GRIK4: variants seen among roughly 807,000 people sequenced by gnomAD.
The protein encoded by GRIK4 is glutamate receptor ionotropic, kainate 4.
Under a neutral mutation model 104.9 loss-of-function variants are expected in GRIK4, and 40 were observed. That is an observed-to-expected ratio of 0.38 (90% CI 0.30 to 0.50). The LOEUF is 0.50. Ranked by LOEUF, GRIK4 falls within the 20% of genes least tolerant of loss-of-function variation. The probability of loss-of-function intolerance (pLI) is 0.93; values close to 1 mark genes in which losing one functional copy is unlikely to be tolerated. For missense variants in GRIK4, 1,047 were observed against 1,308.1 expected, an observed-to-expected ratio of 0.80 and a Z score of 3.08; for synonymous variants, 485 against 524.9, an observed-to-expected ratio of 0.92 and a Z score of 1.04.
At chr11:120,808,343 G>T (rs948025) in intron 4 of GRIK4, among the ~76,000 whole-genome samples, 13,917 of 152,232 alleles carry the variant, frequency 0.091, 838 homozygotes, top group African/African-American at 0.17. Flanking sequence ...ATGAGATGGT[G>T]CTTAAATGTT....
chr11:120,884,847 G>C (rs1002763837), intron 11 of GRIK4, among the ~76,000 whole-genome samples: 14 of 152,276 alleles, frequency 9.2e-5, no homozygotes, highest in Admixed American at 7.2e-4. Context: ...TAGGGGCAGA[G>C]CCGGGCCATG....
intron 14 of GRIK4, among the ~76,000 whole-genome samples, chr11:120,942,342 T>C (rs1441737333): frequency 1.3e-5 from 2 of 152,196 alleles, no homozygotes; most frequent in East Asian, 3.8e-4. Context: ...GCACCATTTC[T>C]GGAGCTCCCC....
chr11:120,800,020 TTTTTTGTATTTTTA>T (rs1223463717), intron 3 of GRIK4, among the ~76,000 whole-genome samples: 12 of 151,860 alleles, frequency 7.9e-5, no homozygotes, highest in Non-Finnish European at 8.8e-5. Context: ...GCTTTTTTTT[TTTTTTGTATTTTTA>T]GTAGAGACGA....
At chr11:120,653,572 A>C (rs1383569755) in intron 1 of GRIK4, 113 bp from the exon 2 acceptor site, 1 of 152,230 alleles carries the variant, frequency 6.6e-6, no homozygotes, top group Non-Finnish European at 1.5e-5. Context: ...AATCGTACCT[A>C]GATTGTAAAT....
chr11:120,580,196 G>GTTCTTT (rs1555142395), intron 1 of GRIK4, among the ~76,000 whole-genome samples: 3 of 133,112 alleles, frequency 2.3e-5, no homozygotes, highest in Non-Finnish European at 3.1e-5. Context: ...GAGTACAAGG[G>GTTCTTT]TTCTTTCTTT....
chr11:120,900,145 G>T (rs1280849603), intron 12 of GRIK4, among the ~76,000 whole-genome samples: 1 of 152,214 alleles, frequency 6.6e-6, no homozygotes, highest in African/African-American at 2.4e-5. Context: ...AAGGGGCATT[G>T]ACGATGGGCT....
At chr11:120,731,271 T>TA (rs60392370) in intron 3 of GRIK4, among the ~76,000 whole-genome samples, 2 of 151,950 alleles carry the variant, frequency 1.3e-5, no homozygotes, top group Non-Finnish European at 2.9e-5. Flanking sequence ...TTTTTTTTTT[T>TA]AATCATGAAA....
intron 3 of GRIK4, among the ~76,000 whole-genome samples, chr11:120,718,483 GATA>G (rs1950876004): frequency 6.6e-6 from 1 of 152,154 alleles, no homozygotes; most frequent in Non-Finnish European, 1.5e-5. Context: ...GGTGTCGCTG[GATA>G]ATAATGTGGT....
chr11:120,671,194 T>G (rs539370341), intron 3 of GRIK4, among the ~76,000 whole-genome samples: 3 of 152,324 alleles, frequency 2.0e-5, no homozygotes, highest in Admixed American at 6.5e-5. Flanking sequence ...GTAGACTGAT[T>G]TATAATCCTT....
At position 120,804,231 on chromosome 11, in the gene GRIK4, C is replaced by T. The variant is rs550129907; in HGVS notation, c.247+1374C>T. 2.6e-5 allele frequency among the ~76,000 whole-genome samples: 4 copies of T among 152,332 alleles called. No individual in the cohort carries two copies. In the South Asian group the frequency reaches 8.3e-4, roughly 32 times the overall value. ...TCTAACCCGTTTCAACCTTTGACCA[C>T]ACTCAGTGGCAAAAATAAGTAAACA... On this transcript the variant is annotated intron_variant, in intron 4 of 20. Transcript: ENST00000527524.
At chr11:120,750,851 G>A (rs530612483) in intron 3 of GRIK4, among the ~76,000 whole-genome samples, 24 of 152,200 alleles carry the variant, frequency 1.6e-4, no homozygotes, top group Non-Finnish European at 2.8e-4. Context: ...AAATCAGAAA[G>A]TAGGCATTGT....
At chr11:120,904,361 A>G (rs1395433509) in intron 12 of GRIK4, among the ~76,000 whole-genome samples, 1 of 151,990 alleles carries the variant, frequency 6.6e-6, no homozygotes, top group East Asian at 1.9e-4. Flanking sequence ...CTGAGGACCC[A>G]CACCCAACCA....
intron 11 of GRIK4, among the ~76,000 whole-genome samples, chr11:120,879,409 G>T (rs1306030448): frequency 6.6e-6 from 1 of 152,154 alleles, no homozygotes; most frequent in East Asian, 1.9e-4. Context: ...TTTAAAGCTG[G>T]TTTTGATTGT....
chr11:120,894,165 G>T (rs1300067145), intron 11 of GRIK4, among the ~76,000 whole-genome samples: 4 of 152,128 alleles, frequency 2.6e-5, no homozygotes, highest in African/African-American at 9.7e-5. Context: ...TCTGCCTTGG[G>T]CAATGGTATT....
intron 3 of GRIK4, among the ~76,000 whole-genome samples, chr11:120,757,148 G>A (rs533291077): frequency 1.2e-4 from 18 of 152,312 alleles, no homozygotes; most frequent in African/African-American, 4.3e-4. Flanking sequence ...CACACACTTG[G>A]CCACTAGGAG....
intron 20 of GRIK4, 139 bp from the exon 21 acceptor site, chr11:120,985,764 GA>G (rs1565477599): frequency 2.8e-6 from 2 of 704,950 alleles, no homozygotes; most frequent in Non-Finnish European, 4.7e-6. Context: ...GAGATGGACT[GA>G]AAGGCTTTTA....
intron 13 of GRIK4, among the ~76,000 whole-genome samples, chr11:120,933,485 C>T (rs527349697): frequency 9.9e-5 from 15 of 152,248 alleles, no homozygotes; most frequent in African/African-American, 2.9e-4. Context: ...ATTATACCCG[C>T]GTTACAGATA....
At chr11:120,944,458 C>G (rs1333504548) in intron 14 of GRIK4, among the ~76,000 whole-genome samples, 2 of 152,180 alleles carry the variant, frequency 1.3e-5, no homozygotes, top group East Asian at 1.9e-4. Context: ...TTCTGAGTCA[C>G]ACTTATGCCT....
At chr11:120,782,595 C>CT (rs1361433590) in intron 3 of GRIK4, among the ~76,000 whole-genome samples, 1 of 152,148 alleles carries the variant, frequency 6.6e-6, no homozygotes, top group African/African-American at 2.4e-5. Context: ...GCCAGTATGA[C>CT]TTTTTTATTC....
Sources: gnomAD v4.1 joint callset for allele counts (sites outside exome capture counted in the v4.1 genomes callset) on GRCh38, gnomAD v4.1.1 for gene constraint, MANE v1.5 for transcripts, NCBI Gene and HGNC (gene_info 2026-07-23, HGNC 2026-07-21) for gene names.